RASGEF1C: variants seen among roughly 807,000 people sequenced by gnomAD.
RASGEF1C encodes ras-GEF domain-containing family member 1C.
RASGEF1C carries 27 observed loss-of-function variants against 58.1 expected under a neutral mutation model. That is an observed-to-expected ratio of 0.46 (90% confidence interval 0.34 to 0.64). The LOEUF (loss-of-function observed/expected upper bound fraction) is 0.64, where lower values mean the gene tolerates loss of function less well. RASGEF1C is among the 30% of genes least tolerant of loss of function. RASGEF1C has a pLI of 0.01. For synonymous variants in RASGEF1C, 243 were observed against 246.3 expected, an observed-to-expected ratio of 0.99 and a Z score of 0.13; for missense variants, 502 against 605.1, an observed-to-expected ratio of 0.83 and a Z score of 1.79.
intron 1 of RASGEF1C, among the ~76,000 whole-genome samples, chr5:180,153,207 G>A (rs914487209): frequency 3.9e-5 from 6 of 152,148 alleles, no homozygotes; most frequent in East Asian, 1.9e-4. Flanking sequence ...TACAATGGGG[G>A]CCCACCTCTG....
intron 12 of RASGEF1C, among the ~76,000 whole-genome samples, chr5:180,102,738 T>C (rs1765810175): frequency 6.6e-6 from 1 of 152,082 alleles, no homozygotes; most frequent in Non-Finnish European, 1.5e-5. Flanking sequence ...CTGGGTTCTC[T>C]ATTCTGTCCC....
At chr5:180,199,674 C>T (rs1756345477) in intron 1 of RASGEF1C, among the ~76,000 whole-genome samples, 1 of 148,608 alleles carries the variant, frequency 6.7e-6, no homozygotes, top group African/African-American at 2.5e-5. Flanking sequence ...CTCTCTCCCT[C>T]CCTTCCCTTC....
At chr5:180,166,176 T>G (rs995861980) in intron 1 of RASGEF1C, among the ~76,000 whole-genome samples, 3 of 152,234 alleles carry the variant, frequency 2.0e-5, no homozygotes, top group African/African-American at 7.2e-5. Context: ...ATCTAGAAAC[T>G]TGCCACCCCG....
chr5:180,140,414 A>G (rs1766557249), intron 1 of RASGEF1C, among the ~76,000 whole-genome samples: 1 of 152,202 alleles, frequency 6.6e-6, no homozygotes, highest in South Asian at 2.1e-4. Flanking sequence ...ATTCCAGGCA[A>G]TGGGGACAAA....
chr5:180,202,710 T>TG (rs1285146020), intron 1 of RASGEF1C, among the ~76,000 whole-genome samples: 2 of 151,136 alleles, frequency 1.3e-5, no homozygotes, highest in African/African-American at 4.8e-5. Flanking sequence ...GTCTTTCTTT[T>TG]TTTTTTTTTT....
chr5:180,152,324 C>A (rs1221150282), intron 1 of RASGEF1C, among the ~76,000 whole-genome samples: 1 of 152,068 alleles, frequency 6.6e-6, no homozygotes, highest in Non-Finnish European at 1.5e-5. Context: ...AAATGTCCAA[C>A]AATGATAGAC....
intron 1 of RASGEF1C, among the ~76,000 whole-genome samples, chr5:180,166,278 C>T (rs993484107): frequency 6.6e-6 from 1 of 152,148 alleles, no homozygotes; most frequent in African/African-American, 2.4e-5. Flanking sequence ...TTTCAACCAT[C>T]AAACATACTT....
chr5:180,128,715 AGG>A, intron 4 of RASGEF1C, 105 bp from the exon 5 acceptor site: 1 of 1,172,814 alleles, frequency 8.5e-7, no homozygotes, highest in South Asian at 1.3e-5. Context: ...TCTTTTCCTC[AGG>A]GTCTCTGGAG....
intron 1 of RASGEF1C, among the ~76,000 whole-genome samples, chr5:180,140,358 A>C (rs1483523746): frequency 1.3e-5 from 2 of 152,192 alleles, no homozygotes; most frequent in South Asian, 2.1e-4. Flanking sequence ...GTGGTTGCCA[A>C]GGGTCATCCA....
chr5:180,206,215 T>C (rs917349123), intron 1 of RASGEF1C, among the ~76,000 whole-genome samples: 1 of 152,164 alleles, frequency 6.6e-6, no homozygotes, highest in Non-Finnish European at 1.5e-5. Context: ...TTTAAATAAA[T>C]GGCTTTGGGA....
At chr5:180,108,204 C>CTT (rs34249635) in intron 12 of RASGEF1C, among the ~76,000 whole-genome samples, 26 of 124,966 alleles carry the variant, frequency 2.1e-4, no homozygotes, top group South Asian at 6.9e-4. Flanking sequence ...TTCTTTCTTT[C>CTT]TTTTTTTTTT....
chr5:180,131,954 C>T (rs1001789125), intron 4 of RASGEF1C, among the ~76,000 whole-genome samples: 24 of 152,326 alleles, frequency 1.6e-4, no homozygotes, highest in Non-Finnish European at 2.4e-4. Flanking sequence ...CTCTTCTATG[C>T]CCCCTCTGAG....
chr5:180,194,241 G>A (rs899466893), intron 1 of RASGEF1C, among the ~76,000 whole-genome samples: 1 of 152,078 alleles, frequency 6.6e-6, no homozygotes, highest in Non-Finnish European at 1.5e-5. Context: ...ACCACGGATC[G>A]CGTTCATTAT....
intron 1 of RASGEF1C, among the ~76,000 whole-genome samples, chr5:180,206,844 A>G (rs905903476): frequency 1.3e-5 from 2 of 152,238 alleles, no homozygotes; most frequent in Non-Finnish European, 2.9e-5. Flanking sequence ...CTGTACGGCT[A>G]ACTTTTGTGA....
rs945991299 is a variant in RASGEF1C at position 180,145,842 on chromosome 5, G to A, written c.-6-7784C>T. Among the ~76,000 whole-genome samples, 3 of 152,236 alleles carry A rather than the reference G, an allele frequency of 2.0e-5. No homozygotes were observed. The East Asian group carries it at 5.8e-4, about 29-fold the overall frequency. ...GCTGCTGGGACCTCTGCAGGGGCAT[G>A]AGGCAGCTAGCCCCAAGAGTCCTCT... On this transcript the variant is annotated intron_variant, in intron 1 of 13. Coordinates refer to ENST00000361132, the MANE Select transcript of RASGEF1C (RefSeq NM_175062.4).
rs914944996 is a variant in RASGEF1C at position 180,101,042 on chromosome 5, G to A, written c.*459C>T. ...AATGGCAGTGGCTGCCAGTGGGCTC[G>A]GGGCTGGCGCAGGCATCTCACGTCG... On this transcript the variant is annotated 3_prime_UTR_variant, in exon 14 of 14. Coordinates refer to ENST00000361132, the MANE Select transcript of RASGEF1C (RefSeq NM_175062.4). The A allele has an allele frequency of 6.2e-6, 1 of 160,556 alleles. No individual in the cohort carries two copies. The highest frequency in any genetic ancestry group is 1.4e-5 in the Non-Finnish European group (1 of 73,330). 9.9% of individuals were successfully genotyped at this position (160,556 alleles called of 1,614,324 possible).
intron 10 of RASGEF1C, among the ~76,000 whole-genome samples, chr5:180,118,022 C>T (rs1429064993): frequency 6.7e-6 from 1 of 148,750 alleles, no homozygotes; most frequent in East Asian, 2.0e-4. Context: ...AAAATACGAG[C>T]TGTGAACAGG....
chr5:180,156,444 G>C lies in RASGEF1C; in HGVS notation c.-6-18386C>G, dbSNP rs906756707. On this transcript the variant is annotated intron_variant, in intron 1 of 13. Coordinates refer to ENST00000361132, the MANE Select transcript of RASGEF1C (RefSeq NM_175062.4). The surrounding 1 kb of genome is among the most constrained non-coding windows in gnomAD (Gnocchi z 4.9). ...GGCAGGGCCGAGGTGGGAACCAAGCGCTGGACCTCTGTGATAAAGAACTGT... is the reference window on the plus strand; with the variant it reads ...GGCAGGGCCGAGGTGGGAACCAAGCCCTGGACCTCTGTGATAAAGAACTGT... 6.6e-6 allele frequency among the ~76,000 whole-genome samples: 1 copy of C among 152,148 alleles called. No homozygotes were observed. The highest frequency in any genetic ancestry group is 2.4e-5 in the African/African-American group (1 of 41,434).
At position 180,101,496 on chromosome 5, in the gene RASGEF1C, C is replaced by T. The variant is rs373073053; in HGVS notation, c.*5G>A. ...AGCTCTTCCTCGTCCCTCAGCTCAG[C>T]GCTTTCATGTCTTCCCCAAAATAGA... On this transcript the variant is annotated 3_prime_UTR_variant, in exon 14 of 14. Coordinates refer to ENST00000361132, the MANE Select transcript of RASGEF1C (RefSeq NM_175062.4). 99 of 1,611,230 alleles carry T rather than the reference C, an allele frequency of 6.1e-5. No individual in the cohort carries two copies. The highest frequency in any genetic ancestry group is 1.6e-4 in the Middle Eastern group (1 of 6,080).
Sources: allele counts gnomAD v4.1 joint callset (sites outside exome capture counted in the v4.1 genomes callset), GRCh38; gene constraint gnomAD v4.1.1; non-coding constraint Gnocchi (gnomAD v3.1); transcripts MANE v1.5; gene names NCBI Gene and HGNC (gene_info 2026-07-23, HGNC 2026-07-21).